SLC30A6: variants seen among roughly 807,000 people sequenced by gnomAD.
SLC30A6 encodes solute carrier family 30 member 6, also known as zinc transporter 6.
A neutral mutation model predicts 63.0 loss-of-function variants in SLC30A6; 55 were observed. The ratio of observed to expected loss-of-function variants is 0.87; its 90% confidence interval spans 0.70 to 1.09. SLC30A6 has a LOEUF of 1.09. Among genes scored for constraint, SLC30A6 ranks in the 50% least tolerant of loss-of-function variants. SLC30A6 has a pLI of 0.00. For missense variants in SLC30A6, 587 were observed against 549.2 expected (o/e 1.07, Z -0.69); for synonymous variants, 224 against 186.1 (o/e 1.20, Z -1.66).
At chr2:32,196,091 G>A (rs1683761945) in intron 8 of SLC30A6, among the ~76,000 whole-genome samples, 2 of 152,274 alleles carry the variant, frequency 1.3e-5, no homozygotes, top group South Asian at 4.1e-4. Context: ...AAGTCAGGCG[G>A]ATCACAAGGT....
rs937211397 is a variant in SLC30A6, at chr2:32,209,432, T to C, written c.817-61T>C. The C allele has an allele frequency of 3.0e-6, 4 of 1,351,176 alleles. No homozygotes were observed. The African/African-American group carries it at 5.9e-5, about 20-fold the overall frequency. 83.7% of individuals were successfully genotyped at this position (1,351,176 alleles called of 1,614,324 possible). A position where few individuals can be genotyped will look rare whatever the true frequency, so the allele number is the denominator to read the frequency against. ...GTTTAAACTAAGTCCATAATGTGAC[T>C]AAACTGCATTGGATATGTTAAGTAC... On this transcript the variant is annotated intron_variant, in intron 12 of 13. Coordinates refer to ENST00000282587, the MANE Select transcript of SLC30A6 (RefSeq NM_017964.5).
Position 32,220,678 on chromosome 2 carries a change from G to A in SLC30A6, c.1351G>A (p.Gly451Arg). ...TTTTACAAATATACCAAGTAGATATGGAACTAATAATAGAATTGGACAACC... is the reference window on the plus strand; with the variant it reads ...TTTTACAAATATACCAAGTAGATATAGAACTAATAATAGAATTGGACAACC... ...TGFTNIPSRY[G>R]TNNRIGQPRP Residue 451 changes from glycine to arginine, a missense_variant, in exon 14 of 14, where the codon GGA becomes AGA. Gly to Arg is a moderately radical substitution (Grantham distance 125). Transcript: ENST00000282587. 6.2e-7 allele frequency: 1 copy of A among 1,613,830 alleles called. No homozygotes were observed. Among genetic ancestry groups the A allele is most frequent in the Non-Finnish European group, 8.5e-7 (1 of 1,179,826 alleles).
chr2:32,204,538 A>G (rs1684572797), intron 10 of SLC30A6, 52 bp from the exon 11 acceptor site: 2 of 1,214,486 alleles, frequency 1.6e-6, no homozygotes, highest in East Asian at 2.5e-5. Flanking sequence ...TTTAATTGTA[A>G]TATGCCCAGT....
chr2:32,197,321 A>G, intron 8 of SLC30A6, 23 bp from the exon 9 acceptor site: 2 of 1,598,210 alleles, frequency 1.3e-6, no homozygotes, highest in South Asian at 1.1e-5. Flanking sequence ...TATATAGATA[A>G]TTTAAGTATT....
intron 11 of SLC30A6, 84 bp downstream of exon 11, chr2:32,204,776 G>T (rs1346568946): frequency 1.5e-5 from 8 of 537,698 alleles, no homozygotes; most frequent in African/African-American, 4.1e-5. Flanking sequence ...TGTTCTACAA[G>T]ATTGTGAAAT....
chr2:32,174,137 T>A lies in SLC30A6; in HGVS notation c.165T>A (p.Thr55=), dbSNP rs1681489767. ...TCCTGCTTATGTGGTGCAGTTCTAC[T>A]AATAGTATAGGTATGTCACCTTTGT... ...TGFLLMWCSS[T]NSIALTAYTY... Residue 55 remains threonine (T), a synonymous_variant, in exon 3 of 14, where the codon ACT becomes ACA. Coordinates refer to ENST00000282587, the MANE Select transcript of SLC30A6 (RefSeq NM_017964.5). 2.5e-6 allele frequency: 4 copies of A among 1,612,548 alleles called. No homozygotes were observed. The East Asian group carries it at 8.9e-5, about 36-fold the overall frequency.
At chr2:32,194,077 A>G in intron 8 of SLC30A6, 94 bp downstream of exon 8, 1 of 990,040 alleles carries the variant, frequency 1.0e-6, no homozygotes, top group East Asian at 2.6e-5. Flanking sequence ...TCAATGAAGA[A>G]GTATATTCTG....
At chr2:32,192,573 TTC>T (rs1683429186) in intron 6 of SLC30A6, among the ~76,000 whole-genome samples, 157 bp downstream of exon 6, 1 of 152,218 alleles carries the variant, frequency 6.6e-6, no homozygotes, top group Admixed American at 6.5e-5. Context: ...AGACTTTTTC[TTC>T]TGTTTCATTT....
Position 32,171,282 on chromosome 2 carries a change from G to A in SLC30A6, c.4-5G>A. On this transcript the variant is annotated splice_polypyrimidine_tract_variant and splice_region_variant and intron_variant, in intron 1 of 13. Coordinates refer to ENST00000282587, the MANE Select transcript of SLC30A6 (RefSeq NM_017964.5). Reference sequence around the variant, plus strand: ...AATGCTGATTTGTATATGTTTGTTTGAAAGGGGACAATTCATCTCTTTCGA... The same window carrying A: ...AATGCTGATTTGTATATGTTTGTTTAAAAGGGGACAATTCATCTCTTTCGA... The A allele has an allele frequency of 3.1e-6, 5 of 1,612,378 alleles. No homozygotes were observed. Among genetic ancestry groups the A allele is most frequent in the Non-Finnish European group, 4.2e-6 (5 of 1,178,742 alleles).
intron 7 of SLC30A6, 67 bp downstream of exon 7, chr2:32,193,020 C>T: frequency 9.4e-7 from 1 of 1,061,330 alleles, no homozygotes; most frequent in Non-Finnish European, 1.4e-6. Context: ...TATTATTAAA[C>T]AGTTGGCCAA....
At chr2:32,190,271 C>T (rs1235159936) in intron 5 of SLC30A6, among the ~76,000 whole-genome samples, 1 of 151,896 alleles carries the variant, frequency 6.6e-6, no homozygotes, top group African/African-American at 2.4e-5. Flanking sequence ...CCAGCCTGAC[C>T]AACATGGTGA....
intron 2 of SLC30A6, 33 bp from the exon 3 acceptor site, chr2:32,174,030 C>T (rs964825491): frequency 6.5e-7 from 1 of 1,541,480 alleles, no homozygotes; most frequent in African/African-American, 1.4e-5. Flanking sequence ...TTTATCACTT[C>T]TGTACACATA....
At chr2:32,179,928 A>G (rs1191257985) in intron 4 of SLC30A6, among the ~76,000 whole-genome samples, 1 of 152,216 alleles carries the variant, frequency 6.6e-6, no homozygotes, top group Non-Finnish European at 1.5e-5. Flanking sequence ...ATTTATATAA[A>G]TAAAACGCCA....
chr2:32,209,760 C>T (rs1028642315), intron 13 of SLC30A6, among the ~76,000 whole-genome samples, 199 bp downstream of exon 13: 5 of 151,798 alleles, frequency 3.3e-5, no homozygotes, highest in Non-Finnish European at 7.4e-5. Context: ...CACTCTGTTG[C>T]CCAGGCTGGT....
chr2:32,170,141 T>C (rs947356077), intron 1 of SLC30A6, among the ~76,000 whole-genome samples: 37 of 152,316 alleles, frequency 2.4e-4, no homozygotes, highest in African/African-American at 8.9e-4. Context: ...TTGGGTTTTA[T>C]GCCCTATTAA....
intron 10 of SLC30A6, among the ~76,000 whole-genome samples, chr2:32,199,306 C>T (rs187452335): frequency 1.6e-3 from 251 of 152,272 alleles, no homozygotes; most frequent in African/African-American, 5.4e-3. Flanking sequence ...ACTGTGAACA[C>T]GAGTGTACAA....
chr2:32,202,702 C>T (rs1017591970), intron 10 of SLC30A6: 2 of 670,660 alleles, frequency 3.0e-6, no homozygotes, highest in Non-Finnish European at 5.5e-6. Flanking sequence ...TTAGGTTTTG[C>T]TGAACAAGTT....
intron 13 of SLC30A6, among the ~76,000 whole-genome samples, chr2:32,213,191 G>A (rs1685407446): frequency 6.6e-6 from 1 of 152,046 alleles, no homozygotes; most frequent in Admixed American, 6.6e-5. Context: ...ACAGGCACGA[G>A]CCACTGTGCC....
intron 10 of SLC30A6, chr2:32,203,290 A>AG: frequency 1.1e-6 from 1 of 922,780 alleles, no homozygotes; most frequent in Non-Finnish European, 1.8e-6. Context: ...CAAGAGAAAG[A>AG]GGTCAACTAA....
Sources: allele counts gnomAD v4.1 joint callset (sites outside exome capture counted in the v4.1 genomes callset), GRCh38; gene constraint gnomAD v4.1.1; transcripts MANE v1.5; gene names NCBI Gene and HGNC (gene_info 2026-07-23, HGNC 2026-07-21).